MTERF4: variants seen among roughly 807,000 people sequenced by gnomAD.
The protein encoded by MTERF4 is mitochondrial transcription termination factor 4.
Under a neutral mutation model 22.5 loss-of-function variants are expected in MTERF4, and 17 were observed. The observed-to-expected ratio is 0.75, with a 90% CI of 0.52 to 1.13. The LOEUF (loss-of-function observed/expected upper bound fraction) is 1.13, where lower values mean the gene tolerates loss of function less well. Ranked by LOEUF, MTERF4 falls within the 50% of genes most tolerant of loss-of-function variation. MTERF4 has a pLI of 0.00. For missense variants in MTERF4, 420 were observed against 466.8 expected, an observed-to-expected ratio of 0.90 and a Z score of 0.92; for synonymous variants, 165 against 175.3, an observed-to-expected ratio of 0.94 and a Z score of 0.47.
intron 2 of MTERF4, among the ~76,000 whole-genome samples, chr2:241,098,803 T>C (rs2064569445): frequency 6.6e-6 from 1 of 152,172 alleles, no homozygotes; most frequent in Non-Finnish European, 1.5e-5. Flanking sequence ...ACTGAACACA[T>C]ACCATATGCC....
chr2:241,060,493 C>A, the MTERF4 span, among the ~76,000 whole-genome samples: 1 of 152,086 alleles, frequency 6.6e-6, no homozygotes, highest in Non-Finnish European at 1.5e-5. Flanking sequence ...TAACTATAAA[C>A]TTCTAAAAGA....
At chr2:241,101,372 G>A (rs1192741037) in intron 1 of MTERF4, among the ~76,000 whole-genome samples, 1 of 152,220 alleles carries the variant, frequency 6.6e-6, no homozygotes, top group Non-Finnish European at 1.5e-5. Context: ...GAGCTCAGGC[G>A]GTAATGCCAG....
the MTERF4 span, among the ~76,000 whole-genome samples, chr2:241,044,449 G>C: frequency 6.6e-6 from 1 of 152,230 alleles, no homozygotes; most frequent in Non-Finnish European, 1.5e-5. Context: ...GCATGGAGTA[G>C]CTGTCAGAGG....
chr2:241,095,898 A>G lies in MTERF4; in HGVS notation c.*100T>C. On this transcript the variant is annotated 3_prime_UTR_variant, in exon 4 of 4. Coordinates refer to ENST00000391980, the MANE Select transcript of MTERF4 (RefSeq NM_182501.4). ...CAAGAGACCAGTTTTAGAATAAAAA[A>G]TAACTTGAGAAGATTCAAGTAAAGG... The G allele has an allele frequency of 6.6e-7, 1 of 1,514,632 alleles. No individual in the cohort carries two copies. The highest frequency in any genetic ancestry group is 1.4e-5 in the South Asian group (1 of 73,524). The allele number at this position is 1,514,632 out of a possible 1,614,324, so 93.8% of individuals were successfully genotyped here.
downstream of MTERF4, chr2:241,069,781 C>G (rs1034312000): frequency 2.3e-5 from 23 of 980,306 alleles, no homozygotes; most frequent in Non-Finnish European, 3.4e-5. The surrounding 1 kb of genome is among the most constrained non-coding windows in gnomAD (Gnocchi z 4.9). Context: ...CACCCCGCCT[C>G]GGCACTGTAC....
the MTERF4 span, among the ~76,000 whole-genome samples, chr2:241,064,313 A>G: frequency 4.0e-5 from 6 of 151,538 alleles, no homozygotes; most frequent in South Asian, 2.1e-4. The surrounding 1 kb of genome is among the most constrained non-coding windows in gnomAD (Gnocchi z 7.0). Context: ...TGGTCCCACA[A>G]TGGTGCCTTC....
chr2:241,088,725 CA>C, downstream of MTERF4: 1 of 363,576 alleles, frequency 2.8e-6, no homozygotes, highest in Non-Finnish European at 5.0e-6. Context: ...GAGGAAGAGG[CA>C]GGGGGGTGGG....
In MTERF4 at chr2:241,095,818, G is replaced by C; in HGVS notation, c.*180C>G. On this transcript the variant is annotated 3_prime_UTR_variant, in exon 4 of 4. Transcript: ENST00000391980. Reference sequence around the variant, plus strand: ...ACAACAGATCAAACATGCATTTCCTGTTTCCTGTTTGGTTTGATCTGTCTG... The same window carrying C: ...ACAACAGATCAAACATGCATTTCCTCTTTCCTGTTTGGTTTGATCTGTCTG... 2 of 1,126,998 alleles carry C rather than the reference G, an allele frequency of 1.8e-6. No homozygotes were observed. The highest frequency in any genetic ancestry group is 2.5e-6 in the Non-Finnish European group (2 of 796,566). The allele number at this position is 1,126,998 out of a possible 1,614,324, so 69.8% of individuals were successfully genotyped here.
rs1022422239 is a variant in MTERF4, at chr2:241,096,450, A to G, written c.706-12T>C. On this transcript the variant is annotated splice_polypyrimidine_tract_variant and intron_variant, in intron 3 of 3. Transcript: ENST00000391980. This position sits in a 1 kb window ranked among gnomAD's most constrained non-coding sequence, Gnocchi z 5.1. ...CTGAAGTATGCATACTGGAAGACAC[A>G]AACACACTTAGGAGTCCCAGATACA... 3 of 1,613,208 alleles carry G rather than the reference A, an allele frequency of 1.9e-6. No homozygotes were observed. The African/African-American group carries it at 4.0e-5, about 22-fold the overall frequency.
At chr2:241,085,386 A>G (rs74000363), downstream of MTERF4, among the ~76,000 whole-genome samples, 5,341 of 152,282 alleles carry the variant, frequency 0.035, 319 homozygotes, top group African/African-American at 0.12. Flanking sequence ...CTGTTCAACA[A>G]AAGTTTTATT....
At chr2:241,081,109 G>A (rs1016522113) in intron 4 of MTERF4, among the ~76,000 whole-genome samples, 3 of 152,250 alleles carry the variant, frequency 2.0e-5, no homozygotes, top group East Asian at 1.9e-4. Context: ...ATCACAGGCC[G>A]CCTGGGCTGG....
the MTERF4 span, among the ~76,000 whole-genome samples, chr2:241,056,640 G>GCACGAT: frequency 6.8e-6 from 1 of 146,204 alleles, no homozygotes; most frequent in South Asian, 2.1e-4. Context: ...GAGTGCAGTG[G>GCACGAT]CACGATCTCG....
At chr2:241,058,515 T>C in the MTERF4 span, among the ~76,000 whole-genome samples, 5 of 152,216 alleles carry the variant, frequency 3.3e-5, no homozygotes, top group Non-Finnish European at 5.9e-5. Context: ...AAAAGCCTAA[T>C]GTAACATGTT....
the MTERF4 span, among the ~76,000 whole-genome samples, chr2:241,045,095 C>G: frequency 9.9e-5 from 15 of 152,134 alleles, no homozygotes; most frequent in African/African-American, 3.6e-4. Flanking sequence ...TAGTATAAAT[C>G]TACTAAAACA....
At chr2:241,047,692 C>T in the MTERF4 span, among the ~76,000 whole-genome samples, 1 of 152,264 alleles carries the variant, frequency 6.6e-6, no homozygotes, top group Non-Finnish European at 1.5e-5. Flanking sequence ...CGTTTGGAGG[C>T]CCCTGGCCCC....
At chr2:241,048,259 G>A in the MTERF4 span, 2 of 1,517,926 alleles carry the variant, frequency 1.3e-6, no homozygotes. Context: ...TGGGCGGGGA[G>A]ACCACTCTCC....
At chr2:241,097,160 C>T in intron 3 of MTERF4, 83 bp downstream of exon 3, 1 of 1,505,876 alleles carries the variant, frequency 6.6e-7, no homozygotes, top group Non-Finnish European at 9.2e-7. Context: ...CGGTACCAGT[C>T]ATTCTCACCT....
rs2062851208 is a variant in MTERF4, at chr2:241,073,514, G to A, written n.2648C>T. ...GGCTGAGCACCAGGCACCCCGGTGT[G>A]GGAAGATGGGGTGAAGCTACACCAC... is the stretch of plus-strand genomic sequence containing the variant. On this transcript the variant is annotated non_coding_transcript_exon_variant, in exon 5 of 5. Transcript: ENST00000464344. This position sits in a 1 kb window ranked among gnomAD's most constrained non-coding sequence, Gnocchi z 6.6. 1 of 691,534 alleles carries A rather than the reference G, an allele frequency of 1.4e-6. No individual in the cohort carries two copies. Among genetic ancestry groups the A allele is most frequent in the East Asian group, 2.7e-5 (1 of 36,716 alleles). The allele number at this position is 691,534 out of a possible 1,614,324, so 42.8% of individuals were successfully genotyped here.
Position 241,095,916 on chromosome 2 carries a change from A to T in MTERF4, c.*82T>A. 1 of 1,525,132 alleles carries T rather than the reference A, an allele frequency of 6.6e-7. No individual in the cohort carries two copies. The highest frequency in any genetic ancestry group is 8.8e-7 in the Non-Finnish European group (1 of 1,140,290). 94.5% of individuals were successfully genotyped at this position (1,525,132 alleles called of 1,614,324 possible). A position where few individuals can be genotyped will look rare whatever the true frequency, so the allele number is the denominator to read the frequency against. On this transcript the variant is annotated 3_prime_UTR_variant, in exon 4 of 4. Coordinates refer to ENST00000391980, the MANE Select transcript of MTERF4 (RefSeq NM_182501.4). ...ATAAAAAATAACTTGAGAAGATTCA[A>T]GTAAAGGACCCAAAAGCTTTAAGAG...
Sources: allele counts gnomAD v4.1 joint callset (sites outside exome capture counted in the v4.1 genomes callset), GRCh38; gene constraint gnomAD v4.1.1; non-coding constraint Gnocchi (gnomAD v3.1); transcripts MANE v1.5; gene names NCBI Gene and HGNC (gene_info 2026-07-23, HGNC 2026-07-21).